PEAR1: variants seen among roughly 807,000 people sequenced by gnomAD.
PEAR1 encodes platelet endothelial aggregation receptor 1, also known as multiple EGF-like domains protein 12.
In PEAR1, 113 loss-of-function variants were observed where a neutral mutation model predicts 131.2. The observed-to-expected ratio is 0.86, with a 90% CI of 0.74 to 1.01. The LOEUF (loss-of-function observed/expected upper bound fraction) is 1.01. Ranked by LOEUF, PEAR1 falls within the 50% of genes least tolerant of loss-of-function variation. The pLI is 0.00. For synonymous variants in PEAR1, 565 were observed against 523.3 expected, an observed-to-expected ratio of 1.08 and a Z score of -1.09; for missense variants, 1,408 against 1,391.1, an observed-to-expected ratio of 1.01 and a Z score of -0.19.
chr1:156,907,714 G>GC lies in PEAR1; in HGVS notation c.755dup (p.Gly253TrpfsTer33), dbSNP rs761323492. Reference sequence around the variant, plus strand: ...CAAACCCCACAGGGCTCCTGCAGCTGCCCCCCTGGCTGGATGGTATGGAGG... The same window carrying GC: ...CAAACCCCACAGGGCTCCTGCAGCTGCCCCCCCTGGCTGGATGGTATGGAGG... On this transcript the variant is annotated frameshift_variant, in exon 7 of 23. Transcript: ENST00000292357. LOFTEE classifies it high-confidence loss of function. 9.3e-6 allele frequency: 15 copies of GC among 1,610,672 alleles called. No individual in the cohort carries two copies. The highest frequency in any genetic ancestry group is 1.7e-5 in the Admixed American group (1 of 59,694).
At position 156,908,811 on chromosome 1, in the gene PEAR1, G is replaced by C. The variant is rs369524624; in HGVS notation, c.1272G>C (p.Gln424His). 16 of 1,606,980 alleles carry C rather than the reference G, an allele frequency of 1.0e-5. No homozygotes were observed. Among genetic ancestry groups the C allele is most frequent in the Non-Finnish European group, 1.4e-5 (16 of 1,179,390 alleles). Residue 424 changes from glutamine (Q) to histidine (H), a missense_variant, in exon 10 of 23, where the codon CAG (glutamine) becomes CAC (histidine). Physicochemically the swap from Gln to His is conservative, Grantham distance 24 (BLOSUM62 0). Coordinates refer to ENST00000292357, the MANE Select transcript of PEAR1 (RefSeq NM_001080471.3). This position sits in a 1 kb window ranked among gnomAD's most constrained non-coding sequence, Gnocchi z 4.2. ...GCCAGGCTACCAGCGGCCTCTGTCA[G>C]TGCGCGCCGGGTTACACGGTGAGGC... ...GVCQATSGLC[Q>H]CAPGYTGPHC...
Position 156,914,990 on chromosome 1 carries a change from G to C in PEAR1, c.*192G>C. 2 of 618,036 alleles carry C rather than the reference G, an allele frequency of 3.2e-6. No individual in the cohort carries two copies. Among genetic ancestry groups the C allele is most frequent in the Non-Finnish European group, 2.6e-6 (1 of 388,252 alleles). The allele number at this position is 618,036 out of a possible 1,614,324, so 38.3% of individuals were successfully genotyped here. ...CATGGGAGACGCTGATCAGCAGGAT[G>C]CCTGGCTCCCTTTCCCAACCCACTG... is the stretch of plus-strand genomic sequence containing the variant. On this transcript the variant is annotated 3_prime_UTR_variant, in exon 23 of 23. Coordinates refer to ENST00000292357, the MANE Select transcript of PEAR1 (RefSeq NM_001080471.3).
rs374807643 is a variant in PEAR1 at position 156,906,271 on chromosome 1, C to A, written c.308-5C>A. The A allele has an allele frequency of 7.6e-5, 123 of 1,613,930 alleles. No individual in the cohort carries two copies. Among genetic ancestry groups the A allele is most frequent in the Non-Finnish European group, 1.0e-4 (122 of 1,179,910 alleles). On this transcript the variant is annotated splice_region_variant and splice_polypyrimidine_tract_variant and intron_variant, in intron 4 of 22. Transcript: ENST00000292357. Reference sequence around the variant, plus strand: ...CACATCTCACCACACCCATCTCTGTCCCAGCGCTCTGTGCCCAGGAGTGTG... The same window carrying A: ...CACATCTCACCACACCCATCTCTGTACCAGCGCTCTGTGCCCAGGAGTGTG...
At position 156,912,273 on chromosome 1, in the gene PEAR1, A is replaced by C; in HGVS notation, c.1978A>C (p.Asn660His). 1 of 1,613,676 alleles carries C rather than the reference A, an allele frequency of 6.2e-7. No individual in the cohort carries two copies. Among genetic ancestry groups the C allele is most frequent in the Non-Finnish European group, 8.5e-7 (1 of 1,179,918 alleles). The change falls in exon 16 of 23, where the codon AAC (asparagine) becomes CAC (histidine). Residue 660 changes from asparagine (N) to histidine (H), a missense_variant. Physicochemically the swap from Asn to His is moderately conservative, Grantham distance 68. Transcript: ENST00000292357. Reference sequence around the variant, plus strand: ...ATGCCCTCCAGGACACTGGGGAGAAAACTGTGCCCAGACCTGCCAATGTCA... The same window carrying C: ...ATGCCCTCCAGGACACTGGGGAGAACACTGTGCCCAGACCTGCCAATGTCA... ...QPCPPGHWGE[N>H]CAQTCQCHHG...
intron 1 of PEAR1, among the ~76,000 whole-genome samples, chr1:156,903,223 G>A (rs1487953174): frequency 1.3e-5 from 2 of 152,126 alleles, no homozygotes; most frequent in African/African-American, 2.4e-5. Context: ...CCTGGACCCA[G>A]CCCCACTCCC....
chr1:156,913,644 C>G, intron 20 of PEAR1, 48 bp from the exon 21 acceptor site: 1 of 1,603,722 alleles, frequency 6.2e-7, no homozygotes, highest in Non-Finnish European at 8.5e-7. Flanking sequence ...AAGTGTGAGC[C>G]GGGGGAGGGG....
Position 156,906,887 on chromosome 1 carries a change from A to G in PEAR1, c.644+7A>G. ...CAGAGAGAACTGGGCCCAGGTATGTAATGGGGGGAACGACACTTTAACAAG... is the reference window on the plus strand; with the variant it reads ...CAGAGAGAACTGGGCCCAGGTATGTGATGGGGGGAACGACACTTTAACAAG... On this transcript the variant is annotated splice_region_variant and intron_variant, in intron 6 of 22. Coordinates refer to ENST00000292357, the MANE Select transcript of PEAR1 (RefSeq NM_001080471.3). The G allele has an allele frequency of 6.2e-7, 1 of 1,612,940 alleles. No individual in the cohort carries two copies. The highest frequency in any genetic ancestry group is 2.2e-5 in the East Asian group (1 of 44,840).
chr1:156,910,935 A>G (rs570490227), intron 15 of PEAR1, among the ~76,000 whole-genome samples, 192 bp downstream of exon 15: 6 of 152,292 alleles, frequency 3.9e-5, no homozygotes, highest in African/African-American at 9.6e-5. Context: ...GGTCAGGGGG[A>G]AAAATTCCTG....
At chr1:156,910,544 G>A in intron 14 of PEAR1, 74 bp from the exon 15 acceptor site, 3 of 1,581,568 alleles carry the variant, frequency 1.9e-6, no homozygotes, top group Non-Finnish European at 2.6e-6. Flanking sequence ...GGGAAGGTGG[G>A]AGGGAGACGG....
rs139201037 is a variant in PEAR1, at chr1:156,902,634, C to T, written c.-9-1284C>T. On this transcript the variant is annotated intron_variant, in intron 1 of 22. Coordinates refer to ENST00000292357, the MANE Select transcript of PEAR1 (RefSeq NM_001080471.3). The surrounding 1 kb of genome is among the most constrained non-coding windows in gnomAD (Gnocchi z 4.3). ...TGGGGTAGGGCCAGGCAGCAACATT[C>T]CAGAGATACTCAGGGGGGTAAGGGG... Among the ~76,000 whole-genome samples, 202 of 152,088 alleles carry T rather than the reference C, an allele frequency of 1.3e-3. 1 individual carries two copies. The highest frequency in any genetic ancestry group is 4.6e-3 in the African/African-American group (190 of 41,458).
intron 15 of PEAR1, among the ~76,000 whole-genome samples, chr1:156,911,191 CTTTCTTTCT>C (rs763674345): frequency 0.013 from 1,387 of 108,648 alleles, 76 homozygotes; most frequent in Non-Finnish European, 0.018. Flanking sequence ...TTTCTTCTTT[CTTTCTTTCT>C]TTTCTTTCTT....
chr1:156,898,705 CAA>C (rs1386140954), intron 1 of PEAR1, among the ~76,000 whole-genome samples: 1 of 152,052 alleles, frequency 6.6e-6, no homozygotes. Context: ...GACAGAAAGA[CAA>C]GAGAGATACA....
Position 156,908,750 on chromosome 1 carries a change from G to T in PEAR1, c.1211G>T (p.Cys404Phe), listed in dbSNP as rs542007002. ...CCGCAGGACACGCATGGGCCAGGGT[G>T]CCAGGAGCACTGTCTCTGCCTGCAC... The part of the protein sequence containing the change: ...SCPQDTHGPG[C>F]QEHCLCLHGG... Residue 404 changes from cysteine (C) to phenylalanine (F), a missense_variant, in exon 10 of 23, where the codon TGC becomes TTC. Physicochemically the swap from Cys to Phe is radical, Grantham distance 205 (BLOSUM62 -2). Coordinates refer to ENST00000292357, the MANE Select transcript of PEAR1 (RefSeq NM_001080471.3). This position sits in a 1 kb window ranked among gnomAD's most constrained non-coding sequence, Gnocchi z 4.2. 2.5e-6 allele frequency: 4 copies of T among 1,580,474 alleles called. No homozygotes were observed. Among genetic ancestry groups the T allele is most frequent in the Non-Finnish European group, 3.4e-6 (4 of 1,166,180 alleles).
At chr1:156,898,949 TGAAGAACAAGACA>T (rs1204117768) in intron 1 of PEAR1, among the ~76,000 whole-genome samples, 2 of 152,152 alleles carry the variant, frequency 1.3e-5, no homozygotes, top group Non-Finnish European at 2.9e-5. Context: ...GAGTTTCTGA[TGAAGAACAAGACA>T]AAAGTCCAAA....
Position 156,913,746 on chromosome 1 carries a change from C to T in PEAR1, c.2699C>T (p.Pro900Leu), listed in dbSNP as rs375956604. 1 of 1,613,960 alleles carries T rather than the reference C, an allele frequency of 6.2e-7. No homozygotes were observed. Among genetic ancestry groups the T allele is most frequent in the African/African-American group, 1.3e-5 (1 of 74,950 alleles). The change falls in exon 21 of 23, where the codon CCA (proline) becomes CTA (leucine). Residue 900 changes from proline to leucine, a missense_variant. Physicochemically the swap from Pro to Leu is moderately conservative, Grantham distance 98. Coordinates refer to ENST00000292357, the MANE Select transcript of PEAR1 (RefSeq NM_001080471.3). Reference sequence around the variant, plus strand: ...TATAGCTACAGCAATGGCCCAGGCCCATTCTACAATAAAGGTATGGGCACA... The same window carrying T: ...TATAGCTACAGCAATGGCCCAGGCCTATTCTACAATAAAGGTATGGGCACA... ...YSYSYSNGPGPFYNKGLISEE... is the reference protein window; with the variant it reads ...YSYSYSNGPGLFYNKGLISEE...
intron 22 of PEAR1, 142 bp downstream of exon 22, chr1:156,914,242 G>A (rs1651628404): frequency 1.5e-6 from 2 of 1,338,520 alleles, no homozygotes. Flanking sequence ...GCTCAAATCA[G>A]GCATGACGGG....
At chr1:156,911,794 G>A (rs905616962) in intron 15 of PEAR1, among the ~76,000 whole-genome samples, 2 of 152,158 alleles carry the variant, frequency 1.3e-5, no homozygotes, top group South Asian at 2.1e-4. Flanking sequence ...ACCAGCAGGC[G>A]GGGTAAAGAA....
intron 15 of PEAR1, among the ~76,000 whole-genome samples, chr1:156,912,042 A>C (rs550745639): frequency 6.6e-5 from 10 of 152,232 alleles, no homozygotes; most frequent in Admixed American, 6.5e-4. Flanking sequence ...TTGAGTAGGT[A>C]GTTGGACACG....
chr1:156,906,642 G>GC lies in PEAR1; in HGVS notation c.410dup (p.Gly138ArgfsTer8). 1 of 1,614,128 alleles carries GC rather than the reference G, an allele frequency of 6.2e-7. No individual in the cohort carries two copies. On this transcript the variant is annotated frameshift_variant, in exon 6 of 23. Coordinates refer to ENST00000292357, the MANE Select transcript of PEAR1 (RefSeq NM_001080471.3). LOFTEE classifies it high-confidence loss of function. ...CCCGCCTCCTTATCCCACAGAGTGT[G>GC]CCCCAGGAATGTGGGGGCCACAGTG...
Sources: gnomAD v4.1 joint callset for allele counts (sites outside exome capture counted in the v4.1 genomes callset) on GRCh38, gnomAD v4.1.1 for gene constraint, Gnocchi (gnomAD v3.1) non-coding constraint, MANE v1.5 for transcripts, NCBI Gene and HGNC (gene_info 2026-07-23, HGNC 2026-07-21) for gene names.